CPA4: variants seen among roughly 807,000 people sequenced by gnomAD.
CPA4 encodes the protein carboxypeptidase A3.
In CPA4, 49 loss-of-function variants were observed where a neutral mutation model predicts 54.7. The observed-to-expected ratio is 0.90, with a 90% CI of 0.71 to 1.14. The LOEUF (loss-of-function observed/expected upper bound fraction) is 1.14, where lower values mean the gene tolerates loss of function less well. CPA4 is among the 50% of genes most tolerant of loss of function. The pLI is 0.00. For missense variants in CPA4, 487 were observed against 525.1 expected (o/e 0.93, Z 0.71); for synonymous variants, 215 against 206.8 (o/e 1.04, Z -0.34).
intron 7 of CPA4, chr7:130,308,065 G>A (rs939127994): frequency 5.6e-6 from 3 of 537,530 alleles, no homozygotes; most frequent in Non-Finnish European, 1.0e-5. Flanking sequence ...TATCTGACTG[G>A]TTCTAGCATA....
In CPA4 at chr7:130,294,798, C is replaced by A. The variant is rs543785698; in HGVS notation, c.68+1550C>A. On this transcript the variant is annotated intron_variant, in intron 1 of 10. Coordinates refer to ENST00000222482, the MANE Select transcript of CPA4 (RefSeq NM_016352.4). ...AAGGTAGTGGAATTCTTCCTGGGCT[C>A]TCTAGAGGTGTCCCAGACACCCAGC... Among the ~76,000 whole-genome samples the A allele has an allele frequency of 7.2e-5, 11 of 152,350 alleles. No homozygotes were observed. In the South Asian group the frequency reaches 2.3e-3, roughly 32 times the overall value.
At position 130,300,680 on chromosome 7, in the gene CPA4, T is replaced by A. The variant is rs1793726182; in HGVS notation, c.286-136T>A. 9.9e-6 allele frequency: 6 copies of A among 606,696 alleles called. No individual in the cohort carries two copies. The East Asian group carries it at 1.6e-4, about 17-fold the overall frequency. The allele number at this position is 606,696 out of a possible 1,614,324, so 37.6% of individuals were successfully genotyped here. On this transcript the variant is annotated intron_variant, in intron 3 of 10. Transcript: ENST00000222482. ...ATATGAAAGAAATCTAACCCCCTTT[T>A]AAACCTTGACATTTGTGCTGCTTGA...
chr7:130,311,043 C>T, intron 9 of CPA4, 57 bp downstream of exon 9: 1 of 1,380,522 alleles, frequency 7.2e-7, no homozygotes, highest in Non-Finnish European at 1.0e-6. Flanking sequence ...CCTGGCGCTG[C>T]TAAGGTGGTA....
At chr7:130,304,776 A>T (rs1392818189) in intron 5 of CPA4, 197 bp downstream of exon 5, 2 of 600,708 alleles carry the variant, frequency 3.3e-6, no homozygotes, top group African/African-American at 3.7e-5. Flanking sequence ...TAGAAGGAGC[A>T]CATCCCATTC....
chr7:130,310,458 T>C lies in CPA4; in HGVS notation c.794-329T>C, dbSNP rs142878194. On this transcript the variant is annotated intron_variant, in intron 8 of 10. Transcript: ENST00000222482. The surrounding 1 kb of genome is among the most constrained non-coding windows in gnomAD (Gnocchi z 4.3). Reference sequence around the variant, plus strand: ...AGAATAAATGGAGTCATTTTCATTATTTATTGGTATTCATATTAATTATCT... The same window carrying C: ...AGAATAAATGGAGTCATTTTCATTACTTATTGGTATTCATATTAATTATCT... 5.3e-3 allele frequency among the ~76,000 whole-genome samples: 810 copies of C among 152,358 alleles called. 4 individuals carry two copies. The highest frequency in any genetic ancestry group is 0.019 in the African/African-American group (772 of 41,574).
At chr7:130,311,594 C>T (rs1793915946) in intron 9 of CPA4, among the ~76,000 whole-genome samples, 4 of 151,922 alleles carry the variant, frequency 2.6e-5, no homozygotes, top group Non-Finnish European at 2.9e-5. Flanking sequence ...TCCTTCTCCT[C>T]CTCCACTCTG....
At chr7:130,303,696 G>A (rs890664788) in intron 4 of CPA4, among the ~76,000 whole-genome samples, 7 of 151,376 alleles carry the variant, frequency 4.6e-5, no homozygotes, top group African/African-American at 1.2e-4. Context: ...TGGTGCATTC[G>A]TGGCTCACTG....
rs769830808 is a variant in CPA4 at position 130,308,329 on chromosome 7, G to A, written c.725G>A (p.Arg242Gln). Residue 242 changes from arginine to glutamine, a missense_variant, in exon 8 of 11, where the codon CGG becomes CAG. Transcript: ENST00000222482. ...QTQNRLWRKTRSRNPGSSCIG... is the reference protein window; with the variant it reads ...QTQNRLWRKTQSRNPGSSCIG... ...CAGAACCGATTATGGAGGAAGACGCGGTCCCGAAATCCTGGAAGCTCCTGC... is the reference window on the plus strand; with the variant it reads ...CAGAACCGATTATGGAGGAAGACGCAGTCCCGAAATCCTGGAAGCTCCTGC... 1.7e-5 allele frequency: 27 copies of A among 1,613,994 alleles called. No homozygotes were observed. The highest frequency in any genetic ancestry group is 2.7e-5 in the African/African-American group (2 of 74,894).
At chr7:130,306,537 A>G (rs545213245) in intron 6 of CPA4, among the ~76,000 whole-genome samples, 49 of 152,324 alleles carry the variant, frequency 3.2e-4, no homozygotes, top group African/African-American at 1.2e-3. Context: ...CACGTACCCC[A>G]GGACTCACTG....
intron 10 of CPA4, among the ~76,000 whole-genome samples, chr7:130,313,240 A>T (rs566119922): frequency 1.1e-4 from 17 of 152,170 alleles, no homozygotes; most frequent in Non-Finnish European, 2.5e-4. Flanking sequence ...ATCTTTGAAA[A>T]AGGTTGATTA....
rs1419820221 is a variant in CPA4 at position 130,323,930 on chromosome 7, TGTGTGTTTG to T, written c.*1255_*1263del. 5.3e-5 allele frequency: 8 copies of T among 150,540 alleles called. No individual in the cohort carries two copies. The highest frequency in any genetic ancestry group is 1.3e-4 in the Admixed American group (2 of 15,024). The allele number at this position is 150,540 out of a possible 1,614,324, so 9.3% of individuals were successfully genotyped here. On this transcript the variant is annotated 3_prime_UTR_variant, in exon 11 of 11. Transcript: ENST00000222482. ...GTGTGTGTGTGTGTGTGTGTGTGTG[TGTGTGTTTG>T]TGTGTGTGTGTCTGTCTATTTTGTA...
chr7:130,315,907 G>C (rs751124568), intron 10 of CPA4, among the ~76,000 whole-genome samples: 5 of 151,612 alleles, frequency 3.3e-5, no homozygotes, highest in Non-Finnish European at 5.9e-5. Context: ...CTTATGAAAT[G>C]TTGTAGAGGT....
Position 130,322,732 on chromosome 7 carries a change from C to A in CPA4, c.*56C>A. On this transcript the variant is annotated 3_prime_UTR_variant, in exon 11 of 11. Transcript: ENST00000222482. Reference sequence around the variant, plus strand: ...GTACCCACACGTGCACGCACTGAGGCCATTGTTAAAGGAGCTCTTTCCTAC... The same window carrying A: ...GTACCCACACGTGCACGCACTGAGGACATTGTTAAAGGAGCTCTTTCCTAC... 6.5e-7 allele frequency: 1 copy of A among 1,531,180 alleles called. No individual in the cohort carries two copies. Among genetic ancestry groups the A allele is most frequent in the Non-Finnish European group, 8.9e-7 (1 of 1,128,682 alleles). 94.8% of individuals were successfully genotyped at this position (1,531,180 alleles called of 1,614,324 possible).
rs756559354 is a variant in CPA4, at chr7:130,298,792, A to AAATTGAG, written c.116_122dup (p.Ser41ArgfsTer39). ...TGTCAGAAATGGAGACGAGATCAGC[A>AAATTGAG]AATTGAGTCAACTAGTGAATTCAAA... On this transcript the variant is annotated frameshift_variant, in exon 2 of 11. Transcript: ENST00000222482. LOFTEE classifies it high-confidence loss of function. The AAATTGAG allele has an allele frequency of 7.4e-6, 12 of 1,612,416 alleles. No homozygotes were observed. Among genetic ancestry groups the AAATTGAG allele is most frequent in the Non-Finnish European group, 1.0e-5 (12 of 1,178,404 alleles).
chr7:130,294,306 A>G (rs142379511), intron 1 of CPA4, among the ~76,000 whole-genome samples: 2 of 152,258 alleles, frequency 1.3e-5, no homozygotes, highest in African/African-American at 2.4e-5. Context: ...TTTTCTTTCT[A>G]TTTTACTATC....
chr7:130,309,540 C>T (rs563246542), intron 8 of CPA4, among the ~76,000 whole-genome samples: 91 of 152,196 alleles, frequency 6.0e-4, no homozygotes, highest in Non-Finnish European at 1.1e-3. Flanking sequence ...GATTTAAAAA[C>T]CACCCTCCAC....
chr7:130,319,084 T>A (rs1202455652), intron 10 of CPA4, among the ~76,000 whole-genome samples: 1 of 152,210 alleles, frequency 6.6e-6, no homozygotes, highest in Non-Finnish European at 1.5e-5. Flanking sequence ...GATCCTGGCC[T>A]GTTTTCCTTC....
intron 7 of CPA4, chr7:130,308,039 C>A: frequency 2.2e-6 from 1 of 445,142 alleles, no homozygotes; most frequent in Non-Finnish European, 4.1e-6. Context: ...AAAAATTATT[C>A]AGTGGATTCA....
chr7:130,313,795 C>T (rs188204783), intron 10 of CPA4, among the ~76,000 whole-genome samples: 3 of 152,106 alleles, frequency 2.0e-5, no homozygotes, highest in Admixed American at 6.5e-5. Flanking sequence ...TTAGTTGGTG[C>T]GGAGACAAAG....
Sources: allele counts gnomAD v4.1 joint callset (sites outside exome capture counted in the v4.1 genomes callset), GRCh38; gene constraint gnomAD v4.1.1; non-coding constraint Gnocchi (gnomAD v3.1); transcripts MANE v1.5; gene names NCBI Gene and HGNC (gene_info 2026-07-23, HGNC 2026-07-21).